Variants in KMT2C observed in about 807,000 individuals in gnomAD.
KMT2C encodes the protein lysine methyltransferase 2C.
A neutral mutation model predicts 507.9 loss-of-function variants in KMT2C; 88 were observed. The ratio of observed to expected loss-of-function variants is 0.17; its 90% CI spans 0.15 to 0.21. The LOEUF (loss-of-function observed/expected upper bound fraction) is 0.21, where lower values mean the gene tolerates loss of function less well. Ranked by LOEUF, KMT2C falls within the 10% of genes least tolerant of loss-of-function variation. The pLI is 1.00. For missense variants in KMT2C, 4,954 were observed against 5,957.8 expected, an observed-to-expected ratio of 0.83 and a Z score of 5.55; for synonymous variants, 2,049 against 2,080.8, an observed-to-expected ratio of 0.98 and a Z score of 0.42.
chr7:152,408,795 A>G (rs1234157201), intron 1 of KMT2C, among the ~76,000 whole-genome samples: 1 of 151,060 alleles, frequency 6.6e-6, no homozygotes, highest in Non-Finnish European at 1.5e-5. Flanking sequence ...GACCACTAAC[A>G]TAAACTACAA....
At chr7:152,360,130 GA>G (rs2097184849) in intron 1 of KMT2C, among the ~76,000 whole-genome samples, 1 of 146,804 alleles carries the variant, frequency 6.8e-6, no homozygotes, top group Non-Finnish European at 1.5e-5. Flanking sequence ...ATAAAACAAA[GA>G]ACTATGTTTT....
chr7:152,213,734 A>C (rs1485294209), intron 23 of KMT2C, among the ~76,000 whole-genome samples: 1 of 151,602 alleles, frequency 6.6e-6, no homozygotes, highest in Non-Finnish European at 1.5e-5. Context: ...CAAGCAAATA[A>C]GCTTCTGCAT....
chr7:152,333,776 AATG>A (rs1311091792), intron 2 of KMT2C, among the ~76,000 whole-genome samples: 2 of 152,234 alleles, frequency 1.3e-5, no homozygotes, highest in Admixed American at 6.5e-5. Flanking sequence ...TCATAAAACT[AATG>A]ATAACATGAA....
intron 1 of KMT2C, among the ~76,000 whole-genome samples, chr7:152,434,282 G>C (rs1357945911): frequency 6.6e-6 from 1 of 152,164 alleles, no homozygotes; most frequent in Non-Finnish European, 1.5e-5. Context: ...CTTCCCTCAC[G>C]ATTATCATAG....
intron 25 of KMT2C, among the ~76,000 whole-genome samples, chr7:152,204,395 G>A (rs1324238346): frequency 6.6e-6 from 1 of 152,138 alleles, no homozygotes; most frequent in African/African-American, 2.4e-5. Flanking sequence ...AGGAGTTGCA[G>A]GCCAGCCTGG....
At chr7:152,408,957 C>G (rs796954240) in intron 1 of KMT2C, among the ~76,000 whole-genome samples, 1 of 151,868 alleles carries the variant, frequency 6.6e-6, no homozygotes, top group African/African-American at 2.4e-5. Flanking sequence ...TTTCACTTAA[C>G]ATGCATCTAA....
At chr7:152,281,902 T>C (rs1306697144) in intron 6 of KMT2C, among the ~76,000 whole-genome samples, 1 of 152,100 alleles carries the variant, frequency 6.6e-6, no homozygotes, top group East Asian at 1.9e-4. Context: ...AGTTCATAAT[T>C]AGTTATATAC....
intron 51 of KMT2C, among the ~76,000 whole-genome samples, 190 bp from the exon 52 acceptor site, chr7:152,149,342 A>G (rs2091418870): frequency 6.6e-6 from 1 of 152,196 alleles, no homozygotes; most frequent in African/African-American, 2.4e-5. Context: ...GTGCACAGGG[A>G]TAGAGAGCGG....
chr7:152,334,509 T>C (rs896061901), intron 2 of KMT2C, among the ~76,000 whole-genome samples: 1 of 152,166 alleles, frequency 6.6e-6, no homozygotes, highest in African/African-American at 2.4e-5. Context: ...TCATCTTCTA[T>C]GCTTTCCAAG....
chr7:152,316,197 T>TAG (rs1334761433), intron 3 of KMT2C, among the ~76,000 whole-genome samples: 6 of 152,276 alleles, frequency 3.9e-5, no homozygotes, highest in African/African-American at 1.4e-4. Context: ...GGGGATTTTT[T>TAG]AGGCCAGTGA....
intron 37 of KMT2C, among the ~76,000 whole-genome samples, chr7:152,179,125 C>G (rs1025468853): frequency 3.3e-5 from 5 of 152,160 alleles, no homozygotes; most frequent in Admixed American, 6.5e-5. Flanking sequence ...TGAGTAGCCG[C>G]GAATACAGGT....
chr7:152,156,748 C>A (rs1341688124), intron 44 of KMT2C, among the ~76,000 whole-genome samples: 1 of 152,104 alleles, frequency 6.6e-6, no homozygotes, highest in East Asian at 1.9e-4. Context: ...TGCCCTAGTT[C>A]TATGAAAAAC....
chr7:152,389,814 T>A (rs189389599), intron 1 of KMT2C, among the ~76,000 whole-genome samples: 1 of 152,196 alleles, frequency 6.6e-6, no homozygotes, highest in Non-Finnish European at 1.5e-5. Context: ...ATTATGCTGG[T>A]CCATATTTAA....
chr7:152,316,964 C>T (rs1329705073), intron 3 of KMT2C, among the ~76,000 whole-genome samples: 2 of 152,140 alleles, frequency 1.3e-5, no homozygotes, highest in Non-Finnish European at 2.9e-5. Flanking sequence ...ACATTTATTT[C>T]ACCATATCCC....
intron 9 of KMT2C, among the ~76,000 whole-genome samples, chr7:152,260,207 A>G (rs2095745693): frequency 6.6e-6 from 1 of 152,252 alleles, no homozygotes; most frequent in East Asian, 1.9e-4. Flanking sequence ...GTCCCTTCAT[A>G]GAACAGGATA....
chr7:152,249,238 C>CA (rs2095523501), intron 13 of KMT2C, among the ~76,000 whole-genome samples: 1 of 151,222 alleles, frequency 6.6e-6, no homozygotes, highest in African/African-American at 2.4e-5. Context: ...ACCTTTAACT[C>CA]AATCTCATCA....
intron 1 of KMT2C, among the ~76,000 whole-genome samples, chr7:152,373,205 A>G (rs2097304768): frequency 6.6e-6 from 1 of 152,212 alleles, no homozygotes; most frequent in Non-Finnish European, 1.5e-5. Flanking sequence ...CGGGTTCCGC[A>G]TCTGTAAATC....
Position 152,154,020 on chromosome 7 carries a change from G to T in KMT2C, c.12266C>A (p.Thr4089Lys). 6.2e-7 allele frequency: 1 copy of T among 1,613,760 alleles called. No homozygotes were observed. The highest frequency in any genetic ancestry group is 1.1e-5 in the South Asian group (1 of 90,940). The change falls in exon 48 of 59, where the codon ACA (threonine) becomes AAA (lysine). Residue 4089 changes from threonine to lysine, a missense_variant. This residue lies in a region of KMT2C where 417 missense variants were observed against 461.1 expected (regional missense o/e 0.90). Coordinates refer to ENST00000262189, the MANE Select transcript of KMT2C (RefSeq NM_170606.3). ...CATTTAATCTTTTACCTCAGCAGCT[G>T]TAGGATGCAGAGTAATTGCTACAGA... ...LISVAITLHP[T>K]AAENISSVVA...
At chr7:152,355,416 G>C (rs146885682) in intron 2 of KMT2C, among the ~76,000 whole-genome samples, 3 of 152,232 alleles carry the variant, frequency 2.0e-5, no homozygotes, top group South Asian at 4.1e-4. Flanking sequence ...CGTAATTTTA[G>C]AGTCATTAGC....
Sources: gnomAD v4.1 joint callset for allele counts (sites outside exome capture counted in the v4.1 genomes callset) on GRCh38, gnomAD v4.1.1 for gene constraint, gnomAD v4.1.1 regional missense constraint, MANE v1.5 for transcripts, NCBI Gene and HGNC (gene_info 2026-07-23, HGNC 2026-07-21) for gene names.